PCDH9: variants seen among roughly 807,000 people sequenced by gnomAD.
PCDH9 encodes protocadherin-9.
PCDH9 carries 24 observed loss-of-function variants against 70.6 expected under a neutral mutation model. That is an observed-to-expected ratio of 0.34 (90% CI 0.25 to 0.48). The LOEUF (loss-of-function observed/expected upper bound fraction) is 0.48, where lower values mean the gene tolerates loss of function less well. Among genes scored for constraint, PCDH9 ranks in the 20% least tolerant of loss-of-function variants. The pLI is 0.99. For missense variants in PCDH9, 1,281 were observed against 1,503.6 expected (o/e 0.85, Z 2.45); for synonymous variants, 562 against 558.5 (o/e 1.01, Z -0.09).
At chr13:66,820,500 A>G (rs1052903002) in intron 3 of PCDH9, among the ~76,000 whole-genome samples, 1 of 152,206 alleles carries the variant, frequency 6.6e-6, no homozygotes, top group African/African-American at 2.4e-5. Flanking sequence ...ATTACTGGGT[A>G]TATATCCAAT....
At chr13:66,721,109 G>T (rs1265368505) in intron 3 of PCDH9, among the ~76,000 whole-genome samples, 1 of 152,180 alleles carries the variant, frequency 6.6e-6, no homozygotes, top group East Asian at 1.9e-4. Context: ...TTGCGCACAG[G>T]AGTTTCAAGT....
chr13:67,165,710 T>C (rs976127365), intron 2 of PCDH9, among the ~76,000 whole-genome samples: 3 of 152,222 alleles, frequency 2.0e-5, no homozygotes, highest in Non-Finnish European at 4.4e-5. Flanking sequence ...AAGTCAATTT[T>C]AAACACATTA....
At chr13:66,397,841 A>G (rs1180157502) in intron 4 of PCDH9, among the ~76,000 whole-genome samples, 8 of 151,956 alleles carry the variant, frequency 5.3e-5, no homozygotes, top group Non-Finnish European at 5.9e-5. Flanking sequence ...AATGCAAAAT[A>G]ACAAAAAATT....
chr13:66,359,516 A>C (rs537432852), intron 4 of PCDH9, among the ~76,000 whole-genome samples: 7 of 150,014 alleles, frequency 4.7e-5, no homozygotes, highest in Non-Finnish European at 1.1e-4. Flanking sequence ...ATAAAATAGA[A>C]AGCCCTCAGG....
chr13:66,387,625 C>G (rs1566287565), intron 4 of PCDH9, among the ~76,000 whole-genome samples: 1 of 151,896 alleles, frequency 6.6e-6, no homozygotes, highest in Non-Finnish European at 1.5e-5. Flanking sequence ...GATACTGACT[C>G]CCTGTTGCCT....
intron 2 of PCDH9, among the ~76,000 whole-genome samples, chr13:67,164,986 G>C (rs2138427172): frequency 6.6e-6 from 1 of 152,174 alleles, no homozygotes; most frequent in East Asian, 1.9e-4. Context: ...CCCAGCAGGG[G>C]AGAGAACTTA....
At chr13:67,207,464 A>G (rs2089378635) in intron 2 of PCDH9, 1 of 152,182 alleles carries the variant, frequency 6.6e-6, no homozygotes, top group Admixed American at 6.5e-5. Context: ...AGTTGGTTCT[A>G]TTTGAATTAA....
intron 4 of PCDH9, among the ~76,000 whole-genome samples, chr13:66,579,098 A>T (rs4883781): frequency 0.49 from 74,397 of 151,860 alleles, 19,324 homozygotes; most frequent in East Asian, 0.63. Flanking sequence ...AAAATTGCAT[A>T]TGTAATGGAA....
intron 4 of PCDH9, among the ~76,000 whole-genome samples, chr13:66,539,187 A>G (rs17081489): frequency 0.03 from 4,627 of 152,226 alleles, 212 homozygotes; most frequent in African/African-American, 0.1. Flanking sequence ...AAAATAGTTT[A>G]CATCCACTAC....
At chr13:66,918,859 T>G (rs1392446420) in intron 2 of PCDH9, among the ~76,000 whole-genome samples, 1 of 151,308 alleles carries the variant, frequency 6.6e-6, no homozygotes, top group Non-Finnish European at 1.5e-5. Context: ...AACCTTTGGT[T>G]TTCCACTTAT....
chr13:66,573,736 TTTTTGTTTG>T (rs1056028601), intron 4 of PCDH9, among the ~76,000 whole-genome samples: 1 of 140,456 alleles, frequency 7.1e-6, no homozygotes, highest in African/African-American at 2.7e-5. Flanking sequence ...CAGTTGGGTT[TTTTTGTTTG>T]TTTGTTTGTT....
chr13:66,408,226 T>A (rs1957315417), intron 4 of PCDH9, among the ~76,000 whole-genome samples: 1 of 151,854 alleles, frequency 6.6e-6, no homozygotes, highest in South Asian at 2.1e-4. Context: ...GCCCGGCTAA[T>A]TTTTTGTATT....
At chr13:66,831,859 C>T (rs2080931466) in intron 3 of PCDH9, among the ~76,000 whole-genome samples, 1 of 147,748 alleles carries the variant, frequency 6.8e-6, no homozygotes, top group East Asian at 2.0e-4. Context: ...TGGGACAACA[C>T]TGTTTATAGA....
intron 2 of PCDH9, among the ~76,000 whole-genome samples, chr13:67,178,591 T>C (rs2088528228): frequency 1.3e-5 from 2 of 152,086 alleles, no homozygotes; most frequent in South Asian, 2.1e-4. Flanking sequence ...TGTCTGTGTA[T>C]GTAGTAGCAG....
chr13:66,705,491 C>T (rs1222255045), intron 3 of PCDH9, among the ~76,000 whole-genome samples: 1 of 152,146 alleles, frequency 6.6e-6, no homozygotes, highest in Non-Finnish European at 1.5e-5. Context: ...CCCCATCACA[C>T]CTAAATAAAG....
intron 2 of PCDH9, among the ~76,000 whole-genome samples, chr13:67,129,463 A>C (rs1379297766): frequency 6.6e-6 from 1 of 151,976 alleles, no homozygotes; most frequent in Non-Finnish European, 1.5e-5. Context: ...GCTTTATTTC[A>C]ACTCCATATT....
chr13:66,516,742 C>T (rs1419106315), intron 4 of PCDH9, among the ~76,000 whole-genome samples: 1 of 151,946 alleles, frequency 6.6e-6, no homozygotes, highest in Non-Finnish European at 1.5e-5. Flanking sequence ...CCCTCACTCT[C>T]TCTTTCTCTC....
chr13:67,034,716 G>A (rs1344342930), intron 2 of PCDH9, among the ~76,000 whole-genome samples: 2 of 149,902 alleles, frequency 1.3e-5, no homozygotes, highest in African/African-American at 2.5e-5. Context: ...ATATGTACAG[G>A]TTTGTTCTTT....
At position 66,743,830 on chromosome 13, in the gene PCDH9, T is replaced by G. The variant is rs151308472; in HGVS notation, c.3139-112419A>C. ...AATAATTTTAAAATTTATAAATTTT[T>G]AAAAACTTCTGTAAGAAAACAAAAC... On this transcript the variant is annotated intron_variant, in intron 3 of 4. Coordinates refer to ENST00000377865, the MANE Select transcript of PCDH9 (RefSeq NM_203487.3). Among the ~76,000 whole-genome samples the G allele has an allele frequency of 8.3e-3, 1,260 of 152,214 alleles. 13 individuals are homozygous for G. The highest frequency in any genetic ancestry group is 0.012 in the Non-Finnish European group (791 of 67,992).
Sources: gnomAD v4.1 joint callset for allele counts (sites outside exome capture counted in the v4.1 genomes callset) on GRCh38, gnomAD v4.1.1 for gene constraint, MANE v1.5 for transcripts, NCBI Gene and HGNC (gene_info 2026-07-23, HGNC 2026-07-21) for gene names.